The following SUMF1 variants were observed in gnomAD, a reference collection of about 807,000 sequenced individuals.
SUMF1 encodes the protein formylglycine-generating enzyme.
SUMF1 carries 48 observed loss-of-function variants against 47.6 expected under a neutral mutation model. The ratio of observed to expected loss-of-function variants is 1.01; its 90% confidence interval spans 0.80 to 1.28. The LOEUF is 1.28. SUMF1 is among the 50% of genes most tolerant of loss of function. SUMF1 has a pLI of 0.00. For missense variants in SUMF1, 571 were observed against 485.4 expected (o/e 1.18, Z -1.66); for synonymous variants, 230 against 192.1 (o/e 1.20, Z -1.63).
At chr3:4,100,649 G>A (rs1693011413) in intron 8 of SUMF1, among the ~76,000 whole-genome samples, 1 of 151,684 alleles carries the variant, frequency 6.6e-6, no homozygotes, top group Non-Finnish European at 1.5e-5. Flanking sequence ...CAAAAACACA[G>A]GCAATGAAAG....
chr3:4,217,811 A>G (rs1355616870), intron 8 of SUMF1, among the ~76,000 whole-genome samples: 1 of 151,504 alleles, frequency 6.6e-6, no homozygotes, highest in Non-Finnish European at 1.5e-5. Flanking sequence ...TGCAACTAAA[A>G]TTCACCAGGG....
chr3:4,061,235 C>G (rs926972183), intron 9 of SUMF1, among the ~76,000 whole-genome samples: 2 of 152,092 alleles, frequency 1.3e-5, no homozygotes, highest in African/African-American at 4.8e-5. Context: ...AGAAATGGAT[C>G]CTCCCAATCT....
intron 8 of SUMF1, chr3:4,312,910 C>A (rs1235815982): frequency 1.2e-6 from 2 of 1,611,296 alleles, no homozygotes; most frequent in African/African-American, 1.3e-5. Context: ...CACTCCTGAT[C>A]ATGTAGTTGG....
At chr3:4,134,049 G>C (rs1272004513) in intron 8 of SUMF1, among the ~76,000 whole-genome samples, 1 of 152,014 alleles carries the variant, frequency 6.6e-6, no homozygotes, top group African/African-American at 2.4e-5. Flanking sequence ...GTCAACATTA[G>C]ACAGATCAAC....
chr3:4,204,298 G>C (rs1041106808), intron 8 of SUMF1, among the ~76,000 whole-genome samples: 1 of 152,048 alleles, frequency 6.6e-6, no homozygotes, highest in Non-Finnish European at 1.5e-5. Context: ...CTTTAAATAT[G>C]TTAGCTACTG....
At chr3:4,195,771 T>C (rs2125147328) in intron 8 of SUMF1, among the ~76,000 whole-genome samples, 1 of 152,298 alleles carries the variant, frequency 6.6e-6, no homozygotes, top group South Asian at 2.1e-4. Flanking sequence ...GATCATGGTT[T>C]TTAAAGCTAG....
intron 8 of SUMF1, among the ~76,000 whole-genome samples, chr3:4,096,924 G>C (rs1301734403): frequency 6.6e-6 from 1 of 152,024 alleles, no homozygotes; most frequent in South Asian, 2.1e-4. Flanking sequence ...AGAGAAACTG[G>C]ATTATTAGGA....
At position 4,323,349 on chromosome 3, in the gene SUMF1, T is replaced by C. The variant is rs544447442; in HGVS notation, c.1014+52981A>G. Among the ~76,000 whole-genome samples, 3 of 152,316 alleles carry C rather than the reference T, an allele frequency of 2.0e-5. No homozygotes were observed. The East Asian group carries it at 5.8e-4, about 29-fold the overall frequency. On this transcript the variant is annotated intron_variant and NMD_transcript_variant, in intron 8 of 12. Transcript: ENST00000448413. Reference sequence around the variant, plus strand: ...TCTGGAATAGGCAACTCCATACAGATACAAAGTAGATTAGTGGTTGCCAGG... The same window carrying C: ...TCTGGAATAGGCAACTCCATACAGACACAAAGTAGATTAGTGGTTGCCAGG...
chr3:4,442,422 A>AT (rs35412119), intron 3 of SUMF1, among the ~76,000 whole-genome samples: 46,845 of 148,396 alleles, frequency 0.32, 7,798 homozygotes, highest in East Asian at 0.55. Context: ...CGCCCGGCTA[A>AT]TTTTTTTTTT....
chr3:4,159,676 A>G (rs1020634272), intron 8 of SUMF1, among the ~76,000 whole-genome samples: 34 of 152,118 alleles, frequency 2.2e-4, no homozygotes, highest in African/African-American at 7.2e-4. Flanking sequence ...TTGTTAAATA[A>G]CATCCTTTTC....
intron 8 of SUMF1, among the ~76,000 whole-genome samples, chr3:4,156,944 T>C (rs1006280697): frequency 1.3e-5 from 2 of 151,652 alleles, no homozygotes; most frequent in Non-Finnish European, 2.9e-5. Context: ...ATGTATGCCA[T>C]CATTAAAACA....
At chr3:4,045,379 T>TCCAC (rs1311789211) in intron 9 of SUMF1, among the ~76,000 whole-genome samples, 2 of 151,370 alleles carry the variant, frequency 1.3e-5, no homozygotes, top group African/African-American at 4.9e-5. Flanking sequence ...TGTCCAACCA[T>TCCAC]CCACCCATCC....
At chr3:4,364,942 T>G (rs1469408912) in intron 8 of SUMF1, among the ~76,000 whole-genome samples, 1 of 151,840 alleles carries the variant, frequency 6.6e-6, no homozygotes, top group Non-Finnish European at 1.5e-5. Context: ...TCTTGTTGGT[T>G]TCAAAGAACA....
chr3:4,078,780 A>G (rs1003889478), intron 8 of SUMF1, among the ~76,000 whole-genome samples: 3 of 152,048 alleles, frequency 2.0e-5, no homozygotes, highest in Admixed American at 1.3e-4. Context: ...AAATCCATAC[A>G]ACAACCTATG....
intron 8 of SUMF1, among the ~76,000 whole-genome samples, chr3:4,130,853 G>C (rs1362908818): frequency 6.6e-6 from 1 of 152,086 alleles, no homozygotes; most frequent in African/African-American, 2.4e-5. Flanking sequence ...ACAAGAGAAG[G>C]CTCTACAACA....
intron 8 of SUMF1, among the ~76,000 whole-genome samples, chr3:4,094,141 T>G (rs1692848827): frequency 6.6e-6 from 1 of 152,090 alleles, no homozygotes; most frequent in African/African-American, 2.4e-5. Context: ...CATGATGAAA[T>G]GACCTTGAGT....
At chr3:4,247,290 T>A (rs1323158137) in intron 8 of SUMF1, among the ~76,000 whole-genome samples, 1 of 152,194 alleles carries the variant, frequency 6.6e-6, no homozygotes. Context: ...CTTGGCCCAG[T>A]CTACTCTGAG....
chr3:4,129,091 C>T (rs540942169), intron 8 of SUMF1, among the ~76,000 whole-genome samples: 1 of 152,220 alleles, frequency 6.6e-6, no homozygotes, highest in South Asian at 2.1e-4. Flanking sequence ...GATAAACCCT[C>T]GACCAATGCC....
At chr3:4,440,396 T>A (rs1417396316) in intron 3 of SUMF1, among the ~76,000 whole-genome samples, 3 of 152,214 alleles carry the variant, frequency 2.0e-5, no homozygotes, top group Non-Finnish European at 2.9e-5. Context: ...AAAGCTTTTC[T>A]AAAAATTATT....
Sources: gnomAD v4.1 joint callset for allele counts (sites outside exome capture counted in the v4.1 genomes callset) on GRCh38, gnomAD v4.1.1 for gene constraint, MANE v1.5 for transcripts, NCBI Gene and HGNC (gene_info 2026-07-23, HGNC 2026-07-21) for gene names.